Variants in PRELID2 observed in about 807,000 individuals in gnomAD.
PRELID2 encodes the protein PRELI domain containing 2.
Under a neutral mutation model 28.4 loss-of-function variants are expected in PRELID2, and 25 were observed. The observed-to-expected ratio is 0.88, with a 90% CI of 0.64 to 1.23. PRELID2 has a LOEUF of 1.23. Ranked by LOEUF, PRELID2 falls within the 50% of genes most tolerant of loss-of-function variation. PRELID2 has a pLI of 0.00. For missense variants in PRELID2, 201 were observed against 214.4 expected, an observed-to-expected ratio of 0.94 and a Z score of 0.39; for synonymous variants, 76 against 71.6, an observed-to-expected ratio of 1.06 and a Z score of -0.31.
intron 1 of PRELID2, among the ~76,000 whole-genome samples, chr5:145,628,349 A>T (rs532260743): frequency 6.6e-6 from 1 of 152,102 alleles, no homozygotes; most frequent in East Asian, 1.9e-4. Flanking sequence ...TTTTAGACGG[A>T]TTCTCACTCT....
chr5:145,619,776 T>C (rs1753749702), intron 1 of PRELID2, among the ~76,000 whole-genome samples: 1 of 152,080 alleles, frequency 6.6e-6, no homozygotes. Flanking sequence ...ATAGGTAAAA[T>C]ACCTGTACAG....
intron 1 of PRELID2, among the ~76,000 whole-genome samples, chr5:145,567,780 T>G (rs1328327352): frequency 6.6e-6 from 1 of 152,140 alleles, no homozygotes; most frequent in East Asian, 1.9e-4. Context: ...CCACCATGAT[T>G]GTAAGTTTCC....
the PRELID2 span, among the ~76,000 whole-genome samples, chr5:145,419,252 G>A: frequency 7.0e-6 from 1 of 143,548 alleles, no homozygotes; most frequent in African/African-American, 2.6e-5. Flanking sequence ...CCCAGTAATG[G>A]GATGGCTGGG....
chr5:145,229,128 G>A, the PRELID2 span: 33 of 1,292,522 alleles, frequency 2.6e-5, no homozygotes, highest in Middle Eastern at 2.6e-4. Context: ...AGTGGAAACC[G>A]TCCAGCGGGT....
rs184324552 is a variant in PRELID2, at chr5:145,530,274, T to C, written n.71-56959A>G. ...AATTGTTTCATTCATTGCCAGTTGA[T>C]AGTGATTGCTCACGGTGAGAAAAAT... is the stretch of plus-strand genomic sequence containing the variant. On this transcript the variant is annotated intron_variant and non_coding_transcript_variant, in intron 1 of 2. Coordinates refer to the PRELID2 transcript ENST00000510259. Among the ~76,000 whole-genome samples, 603 of 152,252 alleles carry C rather than the reference T, an allele frequency of 4.0e-3. 2 individuals carry two copies. Among genetic ancestry groups the C allele is most frequent in the Non-Finnish European group, 5.9e-3 (403 of 68,010 alleles).
the PRELID2 span, among the ~76,000 whole-genome samples, chr5:145,407,239 A>T: frequency 6.6e-6 from 1 of 152,162 alleles, no homozygotes; most frequent in Admixed American, 6.5e-5. Flanking sequence ...CCTGTGCATC[A>T]GCTCTCTGGA....
chr5:145,276,970 G>A, the PRELID2 span, among the ~76,000 whole-genome samples: 5 of 152,094 alleles, frequency 3.3e-5, no homozygotes, highest in Admixed American at 6.6e-5. Context: ...TGAATGACAG[G>A]AGAAATGAAG....
intron 1 of PRELID2, among the ~76,000 whole-genome samples, chr5:145,519,243 A>G (rs1244578596): frequency 1.3e-5 from 2 of 152,212 alleles, no homozygotes; most frequent in African/African-American, 4.8e-5. Flanking sequence ...TTATAAATAA[A>G]TTCAATCACT....
At chr5:145,600,113 GA>G (rs1224906033) in intron 1 of PRELID2, among the ~76,000 whole-genome samples, 1 of 143,416 alleles carries the variant, frequency 7.0e-6, no homozygotes, top group Non-Finnish European at 1.5e-5. Flanking sequence ...AGAAGAAAAA[GA>G]ATCTCAATTG....
At chr5:145,297,531 T>C in the PRELID2 span, among the ~76,000 whole-genome samples, 11 of 152,140 alleles carry the variant, frequency 7.2e-5, no homozygotes, top group African/African-American at 2.7e-4. Context: ...GGCAAAAAAC[T>C]GGAAGCATTC....
At chr5:145,604,025 A>G (rs1246528387) in intron 1 of PRELID2, among the ~76,000 whole-genome samples, 1 of 152,250 alleles carries the variant, frequency 6.6e-6, no homozygotes, top group South Asian at 2.1e-4. Context: ...AGATATCAGT[A>G]ATGACACTAT....
chr5:145,776,180 A>C (rs756925091), intron 5 of PRELID2, among the ~76,000 whole-genome samples: 14 of 152,210 alleles, frequency 9.2e-5, no homozygotes, highest in Non-Finnish European at 1.9e-4. Context: ...TTTTTAGTGC[A>C]TGACATTCTG....
chr5:145,245,391 G>A, the PRELID2 span, among the ~76,000 whole-genome samples: 2 of 151,890 alleles, frequency 1.3e-5, no homozygotes, highest in Non-Finnish European at 2.9e-5. Flanking sequence ...AAGAGAAAGT[G>A]AGCGGGTAGA....
chr5:145,603,292 GAA>G (rs538332612), intron 1 of PRELID2, among the ~76,000 whole-genome samples: 12,907 of 136,768 alleles, frequency 0.094, 1,811 homozygotes, highest in African/African-American at 0.31. Flanking sequence ...AGAGCAGCTA[GAA>G]AAAAAAAAAA....
At chr5:145,398,696 G>A in the PRELID2 span, among the ~76,000 whole-genome samples, 1 of 152,216 alleles carries the variant, frequency 6.6e-6, no homozygotes, top group South Asian at 2.1e-4. Context: ...TTCACGTGGA[G>A]CTTGCATCCA....
At chr5:145,697,918 C>T (rs951476877) in intron 1 of PRELID2, among the ~76,000 whole-genome samples, 2 of 151,974 alleles carry the variant, frequency 1.3e-5, no homozygotes, top group African/African-American at 4.8e-5. Context: ...AAAATAAAAT[C>T]ACTAAAAATT....
chr5:145,266,160 A>AT, the PRELID2 span, among the ~76,000 whole-genome samples: 1 of 141,140 alleles, frequency 7.1e-6, no homozygotes, highest in Non-Finnish European at 1.6e-5. Context: ...CTCCTGGCCT[A>AT]TTTTAACATT....
intron 1 of PRELID2, among the ~76,000 whole-genome samples, chr5:145,651,342 C>A (rs1390123009): frequency 1.3e-5 from 2 of 151,622 alleles, no homozygotes; most frequent in Non-Finnish European, 3.0e-5. Context: ...CAGGGCATAG[C>A]CAAACAAAAG....
At chr5:145,272,466 C>T in the PRELID2 span, among the ~76,000 whole-genome samples, 1 of 151,976 alleles carries the variant, frequency 6.6e-6, no homozygotes, top group Non-Finnish European at 1.5e-5. Flanking sequence ...GTGTGATGCC[C>T]GCACACAGAG....
Sources: allele counts gnomAD v4.1 joint callset (sites outside exome capture counted in the v4.1 genomes callset), GRCh38; gene constraint gnomAD v4.1.1; transcripts MANE v1.5; gene names NCBI Gene and HGNC (gene_info 2026-07-23, HGNC 2026-07-21).